Variants in IGSF11 observed in about 807,000 individuals in gnomAD.
IGSF11 encodes immunoglobulin superfamily member 11, also known as CXADR like 1.
IGSF11 carries 22 observed loss-of-function variants against 41.0 expected under a neutral mutation model. The observed-to-expected ratio is 0.54, with a 90% CI of 0.38 to 0.77. The LOEUF (loss-of-function observed/expected upper bound fraction) is 0.77, where lower values mean the gene tolerates loss of function less well. Ranked by LOEUF, IGSF11 falls within the 30% of genes least tolerant of loss-of-function variation. IGSF11 has a pLI of 0.00. For missense variants in IGSF11, 444 were observed against 530.8 expected (o/e 0.84, Z 1.61); for synonymous variants, 219 against 201.3 (o/e 1.09, Z -0.74).
At chr3:119,015,075 A>G (rs758276509) in intron 1 of IGSF11, among the ~76,000 whole-genome samples, 1 of 152,216 alleles carries the variant, frequency 6.6e-6, no homozygotes, top group African/African-American at 2.4e-5. Flanking sequence ...AGAGACAGAC[A>G]TTATCTAGGA....
intron 1 of IGSF11, among the ~76,000 whole-genome samples, chr3:119,049,840 C>T (rs940062193): frequency 1.6e-4 from 24 of 148,074 alleles, no homozygotes; most frequent in South Asian, 1.1e-3. Context: ...TCAGAAATAA[C>T]GCCGCATATC....
At chr3:119,052,645 A>T (rs1941672547) in intron 1 of IGSF11, among the ~76,000 whole-genome samples, 1 of 152,112 alleles carries the variant, frequency 6.6e-6, no homozygotes, top group South Asian at 2.1e-4. Flanking sequence ...CATTCTATGA[A>T]TCCAGTATTA....
At chr3:119,117,344 G>C (rs1460029281) in intron 1 of IGSF11, among the ~76,000 whole-genome samples, 1 of 152,206 alleles carries the variant, frequency 6.6e-6, no homozygotes, top group Non-Finnish European at 1.5e-5. Flanking sequence ...ACTGGCTGGG[G>C]ATGCCTCACA....
intron 1 of IGSF11, among the ~76,000 whole-genome samples, chr3:119,072,624 C>T (rs2076418345): frequency 6.6e-6 from 1 of 152,138 alleles, no homozygotes; most frequent in African/African-American, 2.4e-5. Flanking sequence ...AGTGTTACAG[C>T]TCTTAAGGCA....
intron 4 of IGSF11, among the ~76,000 whole-genome samples, chr3:118,922,496 G>C (rs1302310964): frequency 6.6e-6 from 1 of 151,758 alleles, no homozygotes; most frequent in Non-Finnish European, 1.5e-5. Context: ...CTAAATATAG[G>C]CACCATAGTG....
intron 1 of IGSF11, among the ~76,000 whole-genome samples, chr3:119,040,862 T>G (rs1032295459): frequency 2.0e-5 from 3 of 152,174 alleles, no homozygotes; most frequent in African/African-American, 7.2e-5. Flanking sequence ...CAATAACAAA[T>G]ACACACTTAC....
intron 1 of IGSF11, among the ~76,000 whole-genome samples, chr3:118,956,999 T>C (rs374838154): frequency 5.9e-5 from 9 of 151,944 alleles, no homozygotes; most frequent in East Asian, 1.9e-4. Flanking sequence ...GCTCACTAGA[T>C]TGGAGAGGCT....
chr3:118,929,438 C>T (rs1942644271), intron 2 of IGSF11, among the ~76,000 whole-genome samples: 1 of 152,210 alleles, frequency 6.6e-6, no homozygotes, highest in East Asian at 1.9e-4. Flanking sequence ...GAAAATTTAG[C>T]TTATCAAATA....
chr3:119,001,604 A>T (rs1328804626), intron 1 of IGSF11, among the ~76,000 whole-genome samples: 1 of 129,206 alleles, frequency 7.7e-6, no homozygotes, highest in African/African-American at 2.9e-5. Flanking sequence ...TATATCTCCC[A>T]ATGCTATCCC....
rs774417022 is a variant in IGSF11, at chr3:118,954,860, G to A, written c.53-24585C>T. Among the ~76,000 whole-genome samples the A allele has an allele frequency of 1.4e-4, 21 of 152,088 alleles. No individual in the cohort carries two copies. In the Middle Eastern group the frequency reaches 0.014, roughly 99 times the overall value. Reference sequence around the variant, plus strand: ...TGAAATCACTTCAAAACCACAATGCGATACCACCTTACTCCTGCAAGAATG... The same window carrying A: ...TGAAATCACTTCAAAACCACAATGCAATACCACCTTACTCCTGCAAGAATG... On this transcript the variant is annotated intron_variant, in intron 1 of 6. Transcript: ENST00000393775.
chr3:119,048,764 C>A (rs936849681), intron 1 of IGSF11, among the ~76,000 whole-genome samples: 1 of 151,980 alleles, frequency 6.6e-6, no homozygotes, highest in Non-Finnish European at 1.5e-5. Context: ...TACTGGCAAA[C>A]CGAATCCAGC....
rs1016029169 is a variant in IGSF11 at position 118,937,092 on chromosome 3, A to G, written c.53-6817T>C. 6.6e-5 allele frequency among the ~76,000 whole-genome samples: 10 copies of G among 152,170 alleles called. No homozygotes were observed. In the South Asian group the frequency reaches 1.0e-3, roughly 16 times the overall value. ...TCAGGATTAGCCCAACTGCCAGAAC[A>G]CTTCCCTCTGGGAATATAATCAGCA... On this transcript the variant is annotated intron_variant, in intron 1 of 6. Coordinates refer to ENST00000393775, the MANE Select transcript of IGSF11 (RefSeq NM_001015887.3).
At chr3:119,017,720 C>A (rs1351416555) in intron 1 of IGSF11, among the ~76,000 whole-genome samples, 3 of 149,656 alleles carry the variant, frequency 2.0e-5, no homozygotes, top group Non-Finnish European at 4.4e-5. Context: ...TTTCCCTTTT[C>A]TCCTCTAAAA....
At chr3:119,007,595 C>G (rs528460544) in intron 1 of IGSF11, among the ~76,000 whole-genome samples, 6 of 152,222 alleles carry the variant, frequency 3.9e-5, no homozygotes, top group African/African-American at 1.4e-4. Flanking sequence ...TCTCCCCCAA[C>G]CATCTCAGAG....
intron 4 of IGSF11, among the ~76,000 whole-genome samples, chr3:118,917,370 T>C (rs1941250921): frequency 6.8e-6 from 1 of 147,172 alleles, no homozygotes; most frequent in Admixed American, 6.8e-5. Flanking sequence ...GCAAGACTAA[T>C]AAAGAAAAAA....
At chr3:119,140,218 T>C (rs1397034930) in intron 1 of IGSF11, among the ~76,000 whole-genome samples, 1 of 152,130 alleles carries the variant, frequency 6.6e-6, no homozygotes, top group Non-Finnish European at 1.5e-5. Context: ...ACTACGTATA[T>C]ACTGTCTACA....
At chr3:118,955,217 C>CAT in intron 1 of IGSF11, among the ~76,000 whole-genome samples, 1 of 120,978 alleles carries the variant, frequency 8.3e-6, no homozygotes, top group East Asian at 2.3e-4. Flanking sequence ...TGTATATGTA[C>CAT]ATACACACAC....
chr3:118,910,543 C>A (rs1239986788), intron 4 of IGSF11, among the ~76,000 whole-genome samples: 2 of 152,208 alleles, frequency 1.3e-5, no homozygotes, highest in African/African-American at 4.8e-5. Context: ...GACTGGCTGC[C>A]AATCTTTCAG....
At chr3:119,090,535 C>T (rs1255429887) in intron 1 of IGSF11, among the ~76,000 whole-genome samples, 1 of 152,086 alleles carries the variant, frequency 6.6e-6, no homozygotes, top group African/African-American at 2.4e-5. Context: ...CAAAAACAGA[C>T]ACATAGACTA....
Sources: allele counts gnomAD v4.1 joint callset (sites outside exome capture counted in the v4.1 genomes callset), GRCh38; gene constraint gnomAD v4.1.1; transcripts MANE v1.5; gene names NCBI Gene and HGNC (gene_info 2026-07-23, HGNC 2026-07-21).